The following ULBP1 variants were observed in gnomAD, a reference collection of about 807,000 sequenced individuals.
ULBP1 encodes UL16 binding protein 1, also known as UL16-binding protein 1.
ULBP1 carries 28 observed loss-of-function variants against 25.3 expected under a neutral mutation model. The observed-to-expected ratio is 1.10, with a 90% confidence interval of 0.82 to 1.51. ULBP1 has a LOEUF of 1.51. Among genes scored for constraint, ULBP1 ranks in the 40% most tolerant of loss-of-function variants. ULBP1 has a pLI of 0.00. For missense variants in ULBP1, 348 were observed against 290.9 expected, an observed-to-expected ratio of 1.20 and a Z score of -1.43; for synonymous variants, 129 against 103.0, an observed-to-expected ratio of 1.25 and a Z score of -1.53.
chr6:149,970,817 G>C (rs1269142556), intron 4 of ULBP1, among the ~76,000 whole-genome samples: 1 of 152,250 alleles, frequency 6.6e-6, no homozygotes, highest in Non-Finnish European at 1.5e-5. Flanking sequence ...TGAGCCAGCT[G>C]ATGGCCCTGC....
At chr6:149,965,826 C>G (rs758779086) in intron 1 of ULBP1, among the ~76,000 whole-genome samples, 7 of 152,118 alleles carry the variant, frequency 4.6e-5, no homozygotes, top group African/African-American at 9.7e-5. Flanking sequence ...TCTCAGCTCA[C>G]CCCTGTCACC....
At chr6:149,970,724 C>T (rs1447043048) in intron 4 of ULBP1, among the ~76,000 whole-genome samples, 2 of 152,344 alleles carry the variant, frequency 1.3e-5, no homozygotes, top group South Asian at 4.1e-4. Flanking sequence ...TAGGAAAAGG[C>T]CAGGCCCCTT....
chr6:149,964,031 A>G lies in ULBP1; in HGVS notation c.-19A>G, dbSNP rs1440736210. On this transcript the variant is annotated 5_prime_UTR_variant, in exon 1 of 5. Coordinates refer to ENST00000229708, the MANE Select transcript of ULBP1 (RefSeq NM_025218.4). ...AGGGAACCATCAGCGCCTCCTGTCC[A>G]CGGAGCTCCAGGTCTACAATGGCAG... The G allele has an allele frequency of 6.2e-7, 1 of 1,613,652 alleles. No homozygotes were observed. The highest frequency in any genetic ancestry group is 1.3e-5 in the African/African-American group (1 of 74,920).
intron 1 of ULBP1, among the ~76,000 whole-genome samples, chr6:149,967,728 T>C (rs1779228347): frequency 6.6e-6 from 1 of 152,114 alleles, no homozygotes; most frequent in African/African-American, 2.4e-5. Flanking sequence ...CTGCTGACAG[T>C]TGACGGCCTC....
chr6:149,965,117 CCTCCCCGAACATCGCGGT>C (rs1268218396), intron 1 of ULBP1, among the ~76,000 whole-genome samples: 5 of 138,340 alleles, frequency 3.6e-5, no homozygotes, highest in South Asian at 4.8e-4. Context: ...AACATCGCGG[CCTCCCCGAACATCGCGGT>C]CTCCCCGAAC....
In ULBP1 at chr6:149,969,366, T is replaced by C; in HGVS notation, c.625+6T>C. Reference sequence around the variant, plus strand: ...ACAAATGCTGGATCCAACAAGTAAGTGAGAGGGGGATAAATGGAAGCTGTC... The same window carrying C: ...ACAAATGCTGGATCCAACAAGTAAGCGAGAGGGGGATAAATGGAAGCTGTC... On this transcript the variant is annotated splice_donor_region_variant and intron_variant, in intron 3 of 4. Transcript: ENST00000229708. The C allele has an allele frequency of 6.2e-7, 1 of 1,611,208 alleles. No individual in the cohort carries two copies. The highest frequency in any genetic ancestry group is 1.7e-5 in the Admixed American group (1 of 59,952).
At chr6:149,971,320 A>G (rs1184807844) in intron 4 of ULBP1, 49 bp from the exon 5 acceptor site, 1 of 984,916 alleles carries the variant, frequency 1.0e-6, no homozygotes, top group Non-Finnish European at 1.2e-6. Context: ...AGGAGAACAG[A>G]CCCAGGTTTT....
At position 149,973,685 on chromosome 6, in the gene ULBP1, C is replaced by T. The variant is rs1779360124; in HGVS notation, c.*2339C>T. ...AATTATACATGAAAGTGCCAAAACC[C>T]TACAATTAAACACTGTATAATGGAA... On this transcript the variant is annotated 3_prime_UTR_variant, in exon 5 of 5. Transcript: ENST00000229708. 1 of 152,122 alleles carries T rather than the reference C, an allele frequency of 6.6e-6. No individual in the cohort carries two copies. The highest frequency in any genetic ancestry group is 1.5e-5 in the Non-Finnish European group (1 of 68,034). The allele number at this position is 152,122 out of a possible 1,614,324, so 9.4% of individuals were successfully genotyped here.
rs763710283 is a variant in ULBP1 at position 149,969,219 on chromosome 6, C to T, written c.484C>T (p.His162Tyr). 3.7e-6 allele frequency: 6 copies of T among 1,614,146 alleles called. No individual in the cohort carries two copies. Among genetic ancestry groups the T allele is most frequent in the Admixed American group, 3.3e-5 (2 of 60,016 alleles). Residue 162 changes from histidine (H) to tyrosine (Y), a missense_variant, in exon 3 of 5, where the codon CAT becomes TAT. Physicochemically the swap from His to Tyr is moderately conservative, Grantham distance 83. Coordinates refer to ENST00000229708, the MANE Select transcript of ULBP1 (RefSeq NM_025218.4). ...DSNNRKWTALHPGAKKMTEKW... is the reference protein window; with the variant it reads ...DSNNRKWTALYPGAKKMTEKW... ...AAACAACAGAAAGTGGACAGCACTT[C>T]ATCCTGGAGCCAAGAAGATGACAGA...
intron 1 of ULBP1, among the ~76,000 whole-genome samples, chr6:149,964,615 C>T (rs1172210631): frequency 6.7e-6 from 1 of 149,146 alleles, no homozygotes; most frequent in Non-Finnish European, 1.5e-5. Context: ...CCGAACATTG[C>T]CATCTCACCG....
intron 1 of ULBP1, among the ~76,000 whole-genome samples, chr6:149,965,530 G>C (rs1216469016): frequency 1.3e-5 from 2 of 152,196 alleles, no homozygotes; most frequent in African/African-American, 4.8e-5. Context: ...CTGGCCCTAG[G>C]GAAGGAGAAA....
chr6:149,971,242 G>A (rs1779311816), intron 4 of ULBP1, 127 bp from the exon 5 acceptor site: 6 of 636,922 alleles, frequency 9.4e-6, no homozygotes, highest in Non-Finnish European at 1.2e-5. Flanking sequence ...GGTAGTGTTG[G>A]AGGGAAAAGC....
At chr6:149,966,072 G>A (rs149381374) in intron 1 of ULBP1, among the ~76,000 whole-genome samples, 2 of 151,152 alleles carry the variant, frequency 1.3e-5, no homozygotes, top group African/African-American at 4.9e-5. Context: ...CTGTTCTTCC[G>A]ACTGGGGAGC....
chr6:149,968,366 T>G (rs1214595190), intron 1 of ULBP1, among the ~76,000 whole-genome samples: 1 of 152,160 alleles, frequency 6.6e-6, no homozygotes. Flanking sequence ...ACAGAGCAGG[T>G]GGGACATGTC....
intron 1 of ULBP1, among the ~76,000 whole-genome samples, chr6:149,964,409 C>T (rs1262586420): frequency 6.6e-6 from 1 of 150,864 alleles, no homozygotes; most frequent in African/African-American, 2.4e-5. Flanking sequence ...CAGTTCCCCT[C>T]GGTGGCTCCT....
chr6:149,963,990 G>A lies in ULBP1; in HGVS notation c.-60G>A. On this transcript the variant is annotated 5_prime_UTR_variant, in exon 1 of 5. The change creates a new upstream start codon in the 5' untranslated region. Transcript: ENST00000229708. The stretch of plus-strand genomic sequence containing the variant: ...GGGCTGGGCAGCTTTATAAACAGCC[G>A]TGGTGTGAGCCTCGAAGGGAACCAT... 2 of 1,567,788 alleles carry A rather than the reference G, an allele frequency of 1.3e-6. No homozygotes were observed. Among genetic ancestry groups the A allele is most frequent in the South Asian group, 1.1e-5 (1 of 89,426 alleles).
intron 1 of ULBP1, among the ~76,000 whole-genome samples, chr6:149,967,792 A>G (rs1446640901): frequency 3.3e-5 from 5 of 152,164 alleles, no homozygotes; most frequent in South Asian, 2.1e-4. Context: ...CTGGGAGCCC[A>G]TTTCAGGAAC....
rs1779245814 is a variant in ULBP1, at chr6:149,968,618, C to G, written c.97C>G (p.Leu33Val). 1 of 1,607,686 alleles carries G rather than the reference C, an allele frequency of 6.2e-7. No individual in the cohort carries two copies. The highest frequency in any genetic ancestry group is 8.5e-7 in the Non-Finnish European group (1 of 1,174,920). The change falls in exon 2 of 5, where the codon CTT becomes GTT. Residue 33 changes from leucine to valine, a missense_variant. Transcript: ENST00000229708. ...SRAGWVDTHC[L>V]CYDFIITPKS... ...TTTTTCTTCCACAGACACACACTGT[C>G]TTTGCTATGACTTCATCATCACTCC...
At chr6:149,967,031 A>C (rs888356206) in intron 1 of ULBP1, among the ~76,000 whole-genome samples, 23 of 150,736 alleles carry the variant, frequency 1.5e-4, no homozygotes, top group Non-Finnish European at 2.8e-4. Context: ...GAGCAGAGTT[A>C]AGTAGTGACA....
Sources: gnomAD v4.1 joint callset for allele counts (sites outside exome capture counted in the v4.1 genomes callset) on GRCh38, gnomAD v4.1.1 for gene constraint, MANE v1.5 for transcripts, NCBI Gene and HGNC (gene_info 2026-07-23, HGNC 2026-07-21) for gene names.